Variants in ANKRD10 observed in about 807,000 individuals in gnomAD.
ANKRD10 encodes ankyrin repeat domain 10.
Under a neutral mutation model 27.0 loss-of-function variants are expected in ANKRD10, and 14 were observed. The observed-to-expected ratio is 0.52, with a 90% CI of 0.34 to 0.81. ANKRD10 has a LOEUF of 0.81. Among genes scored for constraint, ANKRD10 ranks in the 40% least tolerant of loss-of-function variants. The probability of loss-of-function intolerance (pLI) is 0.01; values close to 1 mark genes in which losing one functional copy is unlikely to be tolerated. For synonymous variants in ANKRD10, 250 were observed against 224.5 expected (o/e 1.11, Z -1.01); for missense variants, 493 against 544.0 (o/e 0.91, Z 0.93).
At chr13:110,900,600 G>A (rs749223280) in intron 3 of ANKRD10, 4 of 1,351,696 alleles carry the variant, frequency 3.0e-6, no homozygotes, top group Non-Finnish European at 3.9e-6. Context: ...TAAGGTTTTC[G>A]GAGAAGCACC....
rs2064759090 is a variant in ANKRD10, at chr13:110,878,873, T to C, written c.*764A>G. 6.6e-6 allele frequency: 1 copy of C among 152,290 alleles called. No individual in the cohort carries two copies. The highest frequency in any genetic ancestry group is 2.1e-4 in the South Asian group (1 of 4,832). The allele number at this position is 152,290 out of a possible 1,614,324, so 9.4% of individuals were successfully genotyped here. On this transcript the variant is annotated 3_prime_UTR_variant, in exon 6 of 6. Transcript: ENST00000267339. ...GAAAAAAGAAAATACATGTCAACAGTCAGTTAAATATTTTGACCTGACAGT... is the reference window on the plus strand; with the variant it reads ...GAAAAAAGAAAATACATGTCAACAGCCAGTTAAATATTTTGACCTGACAGT...
chr13:110,894,414 A>AAAAAAC (rs1566466048), intron 3 of ANKRD10: 9 of 305,316 alleles, frequency 2.9e-5, no homozygotes, highest in African/African-American at 2.0e-4. Context: ...AAAAAAAAAA[A>AAAAAAC]AAAAAAAAAA....
At chr13:110,909,283 T>C (rs1433579748) in intron 2 of ANKRD10, among the ~76,000 whole-genome samples, 1 of 152,182 alleles carries the variant, frequency 6.6e-6, no homozygotes, top group African/African-American at 2.4e-5. Flanking sequence ...ATTTTACTGA[T>C]AAAGAGATTG....
At chr13:110,911,152 T>TA (rs1339325517) in intron 1 of ANKRD10, among the ~76,000 whole-genome samples, 4 of 152,208 alleles carry the variant, frequency 2.6e-5, no homozygotes, top group African/African-American at 9.6e-5. Flanking sequence ...ATTGGTGGGT[T>TA]AAAAAACTTT....
intron 5 of ANKRD10, among the ~76,000 whole-genome samples, chr13:110,882,466 G>C (rs902790505): frequency 1.3e-5 from 2 of 152,160 alleles, no homozygotes; most frequent in Admixed American, 6.5e-5. Context: ...GTATGGACTC[G>C]GCATCTGGTA....
In ANKRD10 at chr13:110,910,729, G is replaced by A. The variant is rs750186687; in HGVS notation, c.252C>T (p.Leu84=). The change falls in exon 2 of 6, where the codon CTC becomes CTT. Residue 84 remains leucine, a synonymous_variant. Coordinates refer to ENST00000267339, the MANE Select transcript of ANKRD10 (RefSeq NM_017664.4). ...LVQLVRAGAT[L]NVSTTRYAQT... ...GCGCGTACCGTGTGGTGGAGACGTT[G>A]AGTGTGGCTCCCGCTCTCACCAACT... 1.5e-5 allele frequency: 24 copies of A among 1,614,054 alleles called. No homozygotes were observed. In the South Asian group the frequency reaches 2.5e-4, roughly 17 times the overall value.
At chr13:110,892,945 G>C (rs996600098) in intron 4 of ANKRD10, 83 bp downstream of exon 4, 3 of 1,547,844 alleles carry the variant, frequency 1.9e-6, no homozygotes, top group Non-Finnish European at 2.6e-6. Flanking sequence ...GTCTCATCTC[G>C]AAGGTGCGCT....
chr13:110,909,221 ATACT>A (rs148787211), intron 2 of ANKRD10, among the ~76,000 whole-genome samples: 46 of 152,344 alleles, frequency 3.0e-4, no homozygotes, highest in Middle Eastern at 3.4e-3. Context: ...CAAAAATGAT[ATACT>A]TAAATTCCAT....
chr13:110,912,107 G>A (rs1290117971), intron 1 of ANKRD10, among the ~76,000 whole-genome samples: 1 of 152,190 alleles, frequency 6.6e-6, no homozygotes, highest in Non-Finnish European at 1.5e-5. Flanking sequence ...AATTTACCAA[G>A]TGCCTACCAT....
intron 3 of ANKRD10, among the ~76,000 whole-genome samples, chr13:110,899,745 A>T (rs1308388854): frequency 6.6e-6 from 1 of 152,066 alleles, no homozygotes; most frequent in Non-Finnish European, 1.5e-5. Context: ...TCTCTCTACT[A>T]TTCTTTCAAA....
intron 3 of ANKRD10, 69 bp downstream of exon 3, chr13:110,905,964 T>C: frequency 5.7e-6 from 8 of 1,401,786 alleles, no homozygotes; most frequent in Middle Eastern, 1.8e-4. Context: ...TGCCTGCTTA[T>C]GTACTGCCTT....
In ANKRD10 at chr13:110,879,825, C is replaced by T. The variant is rs754329432; in HGVS notation, c.1075G>A (p.Ala359Thr). The change falls in exon 6 of 6, where the codon GCC becomes ACC. Residue 359 changes from alanine (A) to threonine (T), a missense_variant. Physicochemically the swap from Ala to Thr is moderately conservative, Grantham distance 58. Coordinates refer to ENST00000267339, the MANE Select transcript of ANKRD10 (RefSeq NM_017664.4). ...TCTTCCACCCAGGAAGGCCTACTGG[C>T]TATGCAGCTACTTGGACTCCCGTTC... The part of the protein sequence containing the change: ...HLNGSPSSCI[A>T]SRPSWVEDIG... The T allele has an allele frequency of 3.1e-6, 5 of 1,614,118 alleles. No individual in the cohort carries two copies. The highest frequency in any genetic ancestry group is 4.2e-6 in the Non-Finnish European group (5 of 1,180,050).
chr13:110,884,771 GA>G (rs1407311067), intron 4 of ANKRD10, among the ~76,000 whole-genome samples: 2 of 152,052 alleles, frequency 1.3e-5, no homozygotes, highest in African/African-American at 4.8e-5. Flanking sequence ...CAGATACTTA[GA>G]ATTATTTCTG....
chr13:110,898,846 C>T (rs1170467694), intron 3 of ANKRD10, among the ~76,000 whole-genome samples: 4 of 150,800 alleles, frequency 2.7e-5, no homozygotes, highest in African/African-American at 4.9e-5. Flanking sequence ...ACCTCTGCCT[C>T]CCAGGTTCAA....
At chr13:110,895,900 A>C (rs1184926754) in intron 3 of ANKRD10, among the ~76,000 whole-genome samples, 1 of 152,166 alleles carries the variant, frequency 6.6e-6, no homozygotes, top group Non-Finnish European at 1.5e-5. Flanking sequence ...TCCCCTGCCA[A>C]AGGTAGTTAA....
Position 110,893,155 on chromosome 13 carries a change from G to C in ANKRD10, c.564C>G (p.Phe188Leu), listed in dbSNP as rs750697006. 1.3e-4 allele frequency: 216 copies of C among 1,614,086 alleles called. 4 individuals are homozygous for C. The Admixed American group carries it at 3.5e-3, about 26-fold the overall frequency. ...LNLQNCHLNHFYNNGILNGGH... is the reference protein window; with the variant it reads ...LNLQNCHLNHLYNNGILNGGH... ...CCCCATTTAAGATGCCATTGTTATA[G>C]AAATGGTTCAGATGACAATTCTGGA... The change falls in exon 4 of 6, where the codon TTC becomes TTG. Residue 188 changes from phenylalanine (F) to leucine (L), a missense_variant. Physicochemically the swap from Phe to Leu is conservative, Grantham distance 22. Coordinates refer to ENST00000267339, the MANE Select transcript of ANKRD10 (RefSeq NM_017664.4).
At chr13:110,889,065 TGGAA>T (rs958425242) in intron 4 of ANKRD10, among the ~76,000 whole-genome samples, 30 of 152,280 alleles carry the variant, frequency 2.0e-4, no homozygotes, top group African/African-American at 6.7e-4. Flanking sequence ...TTTTCACTCA[TGGAA>T]GGGACTGGCA....
In ANKRD10 at chr13:110,910,611, C is replaced by T. The variant is rs1268964661; in HGVS notation, c.363+7G>A. The T allele has an allele frequency of 6.2e-7, 1 of 1,613,662 alleles. No individual in the cohort carries two copies. On this transcript the variant is annotated splice_region_variant and intron_variant, in intron 2 of 5. Coordinates refer to ENST00000267339, the MANE Select transcript of ANKRD10 (RefSeq NM_017664.4). ...AAGCAAACCAAGTCCATCACCAGCA[C>T]TCTTACCGGTTTGTTAATGTTGGCT...
chr13:110,913,989 G>A (rs567978411), intron 1 of ANKRD10, among the ~76,000 whole-genome samples: 2 of 152,178 alleles, frequency 1.3e-5, no homozygotes, highest in African/African-American at 4.8e-5. Context: ...AAGCCTCCAC[G>A]GGAAGAGAAT....
Sources: allele counts gnomAD v4.1 joint callset (sites outside exome capture counted in the v4.1 genomes callset), GRCh38; gene constraint gnomAD v4.1.1; transcripts MANE v1.5; gene names NCBI Gene and HGNC (gene_info 2026-07-23, HGNC 2026-07-21).